The following GLIS3 variants were observed in gnomAD, a reference collection of about 807,000 sequenced individuals.
GLIS3 encodes the protein GLIS family zinc finger 3, also known as zinc finger protein GLIS3.
Under a neutral mutation model 78.6 loss-of-function variants are expected in GLIS3, and 53 were observed. That is an observed-to-expected ratio of 0.67 (90% CI 0.54 to 0.85). The LOEUF (loss-of-function observed/expected upper bound fraction) is 0.85. Ranked by LOEUF, GLIS3 falls within the 40% of genes least tolerant of loss-of-function variation. The pLI is 0.00. For synonymous variants in GLIS3, 684 were observed against 509.9 expected (o/e 1.34, Z -4.60); for missense variants, 1,703 against 1,231.1 (o/e 1.38, Z -5.74).
the GLIS3 span, among the ~76,000 whole-genome samples, chr9:4,449,963 C>A: frequency 6.6e-6 from 1 of 152,138 alleles, no homozygotes; most frequent in Non-Finnish European, 1.5e-5. Flanking sequence ...CAGCTCCTCA[C>A]TAGCAATGGA....
intron 4 of GLIS3, among the ~76,000 whole-genome samples, chr9:4,019,461 C>T (rs1206179010): frequency 6.6e-6 from 1 of 152,184 alleles, no homozygotes. Flanking sequence ...TAAATATGCT[C>T]ACTTAGCAAA....
At chr9:4,287,522 G>A (rs187754565) in intron 1 of GLIS3, among the ~76,000 whole-genome samples, 1 of 152,300 alleles carries the variant, frequency 6.6e-6, no homozygotes, top group Non-Finnish European at 1.5e-5. Context: ...GTGCCACTAT[G>A]CCAAATGTAT....
At chr9:4,276,394 A>G (rs868155661) in intron 2 of GLIS3, among the ~76,000 whole-genome samples, 4 of 31,822 alleles carry the variant, frequency 1.3e-4, no homozygotes, top group Admixed American at 6.6e-4. Flanking sequence ...GAGGGGAGGG[A>G]AGGGAAGGGG....
chr9:4,183,152 A>C (rs533371703), intron 2 of GLIS3, among the ~76,000 whole-genome samples: 1 of 152,360 alleles, frequency 6.6e-6, no homozygotes, highest in South Asian at 2.1e-4. Flanking sequence ...ACAGTGAAAG[A>C]ACAGTACATG....
chr9:4,215,508 C>T (rs1820749484), intron 2 of GLIS3, among the ~76,000 whole-genome samples: 1 of 152,170 alleles, frequency 6.6e-6, no homozygotes, highest in South Asian at 2.1e-4. Context: ...CTTATTACAA[C>T]TCTACTAAGA....
At chr9:3,987,194 T>G (rs1819809123) in intron 4 of GLIS3, among the ~76,000 whole-genome samples, 1 of 152,126 alleles carries the variant, frequency 6.6e-6, no homozygotes, top group African/African-American at 2.4e-5. Flanking sequence ...TAAAACTTGC[T>G]GGAAGGGCTC....
intron 7 of GLIS3, among the ~76,000 whole-genome samples, chr9:3,890,202 G>A (rs1163097464): frequency 6.6e-6 from 1 of 152,140 alleles, no homozygotes; most frequent in Non-Finnish European, 1.5e-5. Context: ...ATTAAATTCA[G>A]TTTACAAGCA....
the GLIS3 span, among the ~76,000 whole-genome samples, chr9:4,402,083 G>C: frequency 6.6e-6 from 1 of 152,168 alleles, no homozygotes; most frequent in African/African-American, 2.4e-5. Context: ...AAAAGGAAAG[G>C]CCTTGGGCAA....
the GLIS3 span, among the ~76,000 whole-genome samples, chr9:4,486,537 A>T: frequency 6.6e-6 from 1 of 152,278 alleles, no homozygotes; most frequent in South Asian, 2.1e-4. Flanking sequence ...ATAGTATATA[A>T]ACTTCTGGAC....
At chr9:4,269,294 T>C (rs1387168655) in intron 2 of GLIS3, among the ~76,000 whole-genome samples, 1 of 152,184 alleles carries the variant, frequency 6.6e-6, no homozygotes, top group African/African-American at 2.4e-5. Flanking sequence ...CCACAGATAT[T>C]ATAATATCAT....
the GLIS3 span, among the ~76,000 whole-genome samples, chr9:4,394,836 A>C: frequency 6.6e-6 from 1 of 152,234 alleles, no homozygotes; most frequent in Admixed American, 6.5e-5. Context: ...ATAACAAAAC[A>C]CTGCCAAATA....
the GLIS3 span, among the ~76,000 whole-genome samples, chr9:4,473,705 A>T: frequency 6.6e-6 from 1 of 152,054 alleles, no homozygotes; most frequent in Non-Finnish European, 1.5e-5. Context: ...CAGGGTGACA[A>T]AATAATCTGT....
chr9:4,266,687 T>C (rs572121656), intron 2 of GLIS3, among the ~76,000 whole-genome samples: 3 of 152,002 alleles, frequency 2.0e-5, no homozygotes, highest in African/African-American at 4.8e-5. Flanking sequence ...ACAGCCACTA[T>C]GATAATGATA....
At chr9:4,151,453 C>T (rs1234305905) in intron 2 of GLIS3, among the ~76,000 whole-genome samples, 1 of 152,192 alleles carries the variant, frequency 6.6e-6, no homozygotes, top group Non-Finnish European at 1.5e-5. Flanking sequence ...ATTCAGACTG[C>T]TCAGGGAGAG....
chr9:4,118,345 C>G lies in GLIS3; in HGVS notation c.1133G>C (p.Gly378Ala). 1 of 1,580,508 alleles carries G rather than the reference C, an allele frequency of 6.3e-7. No individual in the cohort carries two copies. Among genetic ancestry groups the G allele is most frequent in the Non-Finnish European group, 8.6e-7 (1 of 1,167,018 alleles). The change falls in exon 4 of 11, where the codon GGC becomes GCC. Residue 378 changes from glycine to alanine, a missense_variant. Transcript: ENST00000381971. This position sits in a 1 kb window ranked among gnomAD's most constrained non-coding sequence, Gnocchi z 4.7. ...CTCGCCGTAGGCCGGCAGCGCCAGG[C>G]CTCCAGGGGCCACCAGCACGCCCTT... ...SQKGVLVAPG[G>A]LALPAYGEDG...
At chr9:4,158,722 C>T (rs1231834481) in intron 2 of GLIS3, among the ~76,000 whole-genome samples, 2 of 152,032 alleles carry the variant, frequency 1.3e-5, no homozygotes, top group Admixed American at 1.3e-4. Flanking sequence ...AGTAACATTC[C>T]CCCATTTTCA....
intron 6 of GLIS3, among the ~76,000 whole-genome samples, chr9:3,919,337 G>A (rs1824719104): frequency 6.6e-6 from 1 of 152,186 alleles, no homozygotes. Flanking sequence ...TACTGAATGT[G>A]CTTTGTTAGT....
the GLIS3 span, among the ~76,000 whole-genome samples, chr9:4,432,275 C>T: frequency 1.3e-5 from 2 of 152,160 alleles, no homozygotes; most frequent in Non-Finnish European, 2.9e-5. Flanking sequence ...ACCTTTAGTA[C>T]TTACAGGAAG....
the GLIS3 span, among the ~76,000 whole-genome samples, chr9:4,402,199 G>T: frequency 6.6e-6 from 1 of 152,192 alleles, no homozygotes; most frequent in African/African-American, 2.4e-5. Context: ...AATTTTAGCA[G>T]AGAGTAAGGG....
Sources: gnomAD v4.1 joint callset for allele counts (sites outside exome capture counted in the v4.1 genomes callset) on GRCh38, gnomAD v4.1.1 for gene constraint, Gnocchi (gnomAD v3.1) non-coding constraint, MANE v1.5 for transcripts, NCBI Gene and HGNC (gene_info 2026-07-23, HGNC 2026-07-21) for gene names.